The following PDPK1 variants were observed in gnomAD, a reference collection of about 807,000 sequenced individuals.
PDPK1 encodes the protein 3-phosphoinositide dependent protein kinase 1.
A neutral mutation model predicts 39.8 loss-of-function variants in PDPK1; 7 were observed. That is an observed-to-expected ratio of 0.18 (90% CI 0.10 to 0.33). The LOEUF (loss-of-function observed/expected upper bound fraction) is 0.33, where lower values mean the gene tolerates loss of function less well. Ranked by LOEUF, PDPK1 falls within the 10% of genes least tolerant of loss-of-function variation. The pLI is 1.00. For synonymous variants in PDPK1, 118 were observed against 159.1 expected, an observed-to-expected ratio of 0.74 and a Z score of 1.95; for missense variants, 182 against 384.7, an observed-to-expected ratio of 0.47 and a Z score of 4.41.
At chr16:2,551,601 G>C (rs2066409440) in intron 1 of PDPK1, among the ~76,000 whole-genome samples, 1 of 151,562 alleles carries the variant, frequency 6.6e-6, no homozygotes. Flanking sequence ...TCTCTTGCTG[G>C]CTGAAGTGTT....
chr16:2,540,515 C>G (rs1650660996), intron 1 of PDPK1, among the ~76,000 whole-genome samples: 2 of 152,180 alleles, frequency 1.3e-5, no homozygotes. Flanking sequence ...GAGGGAGGGT[C>G]TGCCGGGCAG....
rs574208711 is a variant in PDPK1, at chr16:2,602,852, A to G, written c.*5085A>G. 3.4e-5 allele frequency: 8 copies of G among 233,692 alleles called. No individual in the cohort carries two copies. The highest frequency in any genetic ancestry group is 1.8e-4 in the African/African-American group (8 of 45,450). The allele number at this position is 233,692 out of a possible 1,614,324, so 14.5% of individuals were successfully genotyped here. A position where few individuals can be genotyped will look rare whatever the true frequency, so the allele number is the denominator to read the frequency against. On this transcript the variant is annotated 3_prime_UTR_variant, in exon 14 of 14. Coordinates refer to ENST00000342085, the MANE Select transcript of PDPK1 (RefSeq NM_002613.5). ...ACTTTTGTATTTTTATTCTTATATA[A>G]GGTTATTTGCTGGCTATTGTTGGCC...
chr16:2,594,720 C>A (rs774309474), intron 11 of PDPK1, among the ~76,000 whole-genome samples: 1 of 152,156 alleles, frequency 6.6e-6, no homozygotes, highest in East Asian at 1.9e-4. Flanking sequence ...GTATCTGATG[C>A]CTGTAATCCC....
chr16:2,602,129 T>A lies in PDPK1; in HGVS notation c.*4362T>A, dbSNP rs565662700. On this transcript the variant is annotated 3_prime_UTR_variant, in exon 14 of 14. Transcript: ENST00000342085. ...GCTGTGAGAATACGGTGAAGGTACTTTGTTCTGGAAGATGTTGTCATACAC... is the reference window on the plus strand; with the variant it reads ...GCTGTGAGAATACGGTGAAGGTACTATGTTCTGGAAGATGTTGTCATACAC... 4.8e-4 allele frequency: 113 copies of A among 234,442 alleles called. No homozygotes were observed. Among genetic ancestry groups the A allele is most frequent in the Non-Finnish European group, 4.2e-4 (49 of 117,878 alleles). 14.5% of individuals were successfully genotyped at this position (234,442 alleles called of 1,614,324 possible).
chr16:2,596,535 A>T (rs1018979558), intron 12 of PDPK1, among the ~76,000 whole-genome samples: 1 of 152,226 alleles, frequency 6.6e-6, no homozygotes, highest in Non-Finnish European at 1.5e-5. Context: ...TCCAGCACTT[A>T]GCAAGTGGTC....
intron 10 of PDPK1, among the ~76,000 whole-genome samples, chr16:2,585,019 G>T (rs2066837087): frequency 6.6e-6 from 1 of 152,160 alleles, no homozygotes; most frequent in Admixed American, 6.5e-5. Context: ...CTGGCTGGTG[G>T]CCGTTCTCCC....
intron 1 of PDPK1, among the ~76,000 whole-genome samples, chr16:2,546,489 ATG>A (rs2066350087): frequency 6.6e-6 from 1 of 152,026 alleles, no homozygotes; most frequent in Admixed American, 6.6e-5. Context: ...TCCTGCCACC[ATG>A]CTGGGCTAAT....
intron 6 of PDPK1, among the ~76,000 whole-genome samples, chr16:2,569,711 AT>A (rs2066661847): frequency 1.0e-5 from 1 of 97,204 alleles, no homozygotes; most frequent in African/African-American, 3.5e-5. Flanking sequence ...GTAGTTCAGT[AT>A]CTTGGAATTT....
rs1007127163 is a variant in PDPK1, at chr16:2,597,748, C to T, written c.1652C>T (p.Pro551Leu). 3.0e-5 allele frequency: 48 copies of T among 1,611,820 alleles called. No individual in the cohort carries two copies. Among genetic ancestry groups the T allele is most frequent in the African/African-American group, 5.3e-5 (4 of 74,888 alleles). ...TGGAGGCAGCGATACCAGAGCCACCCGGACGCCGCTGTGCAGTGACGTGGC... is the reference window on the plus strand; with the variant it reads ...TGGAGGCAGCGATACCAGAGCCACCTGGACGCCGCTGTGCAGTGACGTGGC... Reference protein sequence around the residue: ...EVWRQRYQSHPDAAVQ With the variant: ...EVWRQRYQSHLDAAVQ The change falls in exon 14 of 14, where the codon CCG becomes CTG. Residue 551 changes from proline (P) to leucine (L), a missense_variant. By Grantham distance (98) the Pro-to-Leu change is moderately conservative (BLOSUM62 -3). Coordinates refer to ENST00000342085, the MANE Select transcript of PDPK1 (RefSeq NM_002613.5). The surrounding 1 kb of genome is among the most constrained non-coding windows in gnomAD (Gnocchi z 6.3).
chr16:2,558,402 G>A lies in PDPK1; in HGVS notation c.285+439G>A, dbSNP rs1019379489. Among the ~76,000 whole-genome samples, 86 of 150,004 alleles carry A rather than the reference G, an allele frequency of 5.7e-4. 1 individual carries two copies. Among genetic ancestry groups the A allele is most frequent in the African/African-American group, 2.1e-3 (84 of 40,032 alleles). The stretch of plus-strand genomic sequence containing the variant: ...TTTATTGACCTCTTCTTATTTCTCT[G>A]TTTTGTTTTTTTGAATACATAAAAC... On this transcript the variant is annotated intron_variant, in intron 2 of 13. Coordinates refer to ENST00000342085, the MANE Select transcript of PDPK1 (RefSeq NM_002613.5).
intron 1 of PDPK1, among the ~76,000 whole-genome samples, chr16:2,543,838 C>T (rs528656610): frequency 8.5e-5 from 13 of 152,264 alleles, no homozygotes; most frequent in African/African-American, 2.2e-4. Context: ...TCTCCTACTT[C>T]AGCCTCCTGA....
At chr16:2,596,035 G>T (rs963753162) in intron 12 of PDPK1, among the ~76,000 whole-genome samples, 185 bp downstream of exon 12, 1 of 152,218 alleles carries the variant, frequency 6.6e-6, no homozygotes, top group Non-Finnish European at 1.5e-5. Flanking sequence ...AGCCACACGC[G>T]TAGGCGGTTA....
chr16:2,578,388 A>C (rs2066758480), intron 7 of PDPK1: 1 of 142,884 alleles, frequency 7.0e-6, no homozygotes, highest in Non-Finnish European at 1.5e-5. Flanking sequence ...AAGCCCAGCC[A>C]GGGGACCACC....
chr16:2,592,011 C>T (rs553350122), intron 11 of PDPK1, among the ~76,000 whole-genome samples: 1 of 152,304 alleles, frequency 6.6e-6, no homozygotes, highest in Admixed American at 6.5e-5. Context: ...CACTGGCTCC[C>T]GCCCTTACTG....
At chr16:2,538,636 T>C in intron 1 of PDPK1, 2 of 1,289,068 alleles carry the variant, frequency 1.6e-6, no homozygotes, top group South Asian at 2.5e-5. Context: ...ATGACAGTGG[T>C]CGGGAAAACT....
At chr16:2,591,894 T>C (rs1400341563) in intron 11 of PDPK1, among the ~76,000 whole-genome samples, 1 of 152,258 alleles carries the variant, frequency 6.6e-6, no homozygotes, top group Non-Finnish European at 1.5e-5. Flanking sequence ...GCGTAGTACA[T>C]ATCAGTTGAT....
chr16:2,543,847 G>T (rs1046387867), intron 1 of PDPK1, among the ~76,000 whole-genome samples: 1 of 151,748 alleles, frequency 6.6e-6, no homozygotes, highest in African/African-American at 2.4e-5. Flanking sequence ...TCAGCCTCCT[G>T]AGTAGCTGGG....
Position 2,586,784 on chromosome 16 carries a change from A to G in PDPK1, c.1234A>G (p.Ile412Val), listed in dbSNP as rs1040058248. ...CCTGCCCCAGAGGTCAGGCAGCAAC[A>G]TAGAGCAGTACATTCACGATCTGGA... ...TGLPQRSGSNIEQYIHDLDSN... is the reference protein window; with the variant it reads ...TGLPQRSGSNVEQYIHDLDSN... The change falls in exon 11 of 14, where the codon ATA (isoleucine) becomes GTA (valine). Residue 412 changes from isoleucine (I) to valine (V), a missense_variant. Physicochemically the swap from Ile to Val is conservative, Grantham distance 29 (BLOSUM62 3). Around this residue, in one of 5 missense-constraint regions of PDPK1, gnomAD observed 90 missense variants for 111.9 expected, o/e 0.80. Coordinates refer to ENST00000342085, the MANE Select transcript of PDPK1 (RefSeq NM_002613.5). The G allele has an allele frequency of 3.1e-6, 5 of 1,614,238 alleles. No homozygotes were observed. The highest frequency in any genetic ancestry group is 1.6e-4 in the Middle Eastern group (1 of 6,062).
intron 11 of PDPK1, among the ~76,000 whole-genome samples, chr16:2,589,716 GTAAAAGGAATTTT>G (rs1204300293): frequency 6.6e-6 from 1 of 150,874 alleles, no homozygotes; most frequent in Non-Finnish European, 1.5e-5. Flanking sequence ...AAAAAAAAAG[GTAAAAGGAATTTT>G]TAAATTTACA....
Sources: allele counts gnomAD v4.1 joint callset (sites outside exome capture counted in the v4.1 genomes callset), GRCh38; gene constraint gnomAD v4.1.1; regional missense constraint gnomAD v4.1.1; non-coding constraint Gnocchi (gnomAD v3.1); transcripts MANE v1.5; gene names NCBI Gene and HGNC (gene_info 2026-07-23, HGNC 2026-07-21).